Variants in TMEM63C observed in about 807,000 individuals in gnomAD.
The protein encoded by TMEM63C is transmembrane protein 63C, also known as osmosensitive cation channel TMEM63C.
In TMEM63C, 32 loss-of-function variants were observed where a neutral mutation model predicts 99.2. The observed-to-expected ratio is 0.32, with a 90% CI of 0.24 to 0.43. The LOEUF is 0.43. TMEM63C is among the 20% of genes least tolerant of loss of function. The probability of loss-of-function intolerance (pLI) is 1.00; values close to 1 mark genes in which losing one functional copy is unlikely to be tolerated. For missense variants in TMEM63C, 826 were observed against 1,053.0 expected (o/e 0.78, Z 2.98); for synonymous variants, 376 against 397.9 (o/e 0.94, Z 0.66).
In TMEM63C at chr14:77,233,479, C is replaced by G; in HGVS notation, c.521C>G (p.Thr174Ser). The change falls in exon 8 of 24, where the codon ACC becomes AGC. Residue 174 changes from threonine to serine, a missense_variant. Coordinates refer to ENST00000298351, the MANE Select transcript of TMEM63C (RefSeq NM_020431.4). ...LDWSSHFART[T>S]IVNVSTESKL... ...TGGAGCAGTCACTTTGCTCGGACCACCATTGTCAATGTCTCCACAGAGTAG... is the reference window on the plus strand; with the variant it reads ...TGGAGCAGTCACTTTGCTCGGACCAGCATTGTCAATGTCTCCACAGAGTAG... 1 of 1,613,602 alleles carries G rather than the reference C, an allele frequency of 6.2e-7. No homozygotes were observed. Among genetic ancestry groups the G allele is most frequent in the Non-Finnish European group, 8.5e-7 (1 of 1,179,800 alleles).
rs145031273 is a variant in TMEM63C at position 77,243,961 on chromosome 14, C to T, written c.1342-388C>T. On this transcript the variant is annotated intron_variant, in intron 15 of 23. Coordinates refer to ENST00000298351, the MANE Select transcript of TMEM63C (RefSeq NM_020431.4). ...TCCCCTTTGTCAACTTTGTAATAGG[C>T]CCCAGACCCCACGCATCCTGGGAGG... 1.9e-3 allele frequency among the ~76,000 whole-genome samples: 287 copies of T among 152,252 alleles called. 1 individual carries two copies. The highest frequency in any genetic ancestry group is 6.8e-3 in the Middle Eastern group (2 of 294).
Position 77,218,924 on chromosome 14 carries a change from T to C in TMEM63C, c.111T>C (p.Gly37=). 1 of 1,608,198 alleles carries C rather than the reference T, an allele frequency of 6.2e-7. No homozygotes were observed. The highest frequency in any genetic ancestry group is 8.5e-7 in the Non-Finnish European group (1 of 1,177,404). ...TCCTCCAGGGGCAGCCCTTTGGGGG[T>C]GTCCCCACCGTGCTGTGCCTCAACA... The part of the protein sequence containing the change: ...NTVLQGQPFG[G]VPTVLCLNIA... The change falls in exon 3 of 24, where the codon GGT becomes GGC. Residue 37 remains glycine, a synonymous_variant. Transcript: ENST00000298351.
chr14:77,244,267 A>C, intron 15 of TMEM63C, 82 bp from the exon 16 acceptor site: 1 of 1,063,800 alleles, frequency 9.4e-7, no homozygotes, highest in Non-Finnish European at 1.4e-6. Context: ...CAGCCCTGGG[A>C]GTGAGTGGGA....
At chr14:77,223,525 T>C (rs575475979) in intron 5 of TMEM63C, among the ~76,000 whole-genome samples, 1 of 152,340 alleles carries the variant, frequency 6.6e-6, no homozygotes, top group South Asian at 2.1e-4. Flanking sequence ...TCAGCTGAGC[T>C]GGCTCCTGGG....
At chr14:77,228,249 C>T (rs990627037) in intron 6 of TMEM63C, among the ~76,000 whole-genome samples, 1 of 152,104 alleles carries the variant, frequency 6.6e-6, no homozygotes, top group Admixed American at 6.6e-5. Context: ...ATTCCTGGCC[C>T]AGGAAGAGAA....
intron 1 of TMEM63C, among the ~76,000 whole-genome samples, chr14:77,197,099 A>C (rs1341437196): frequency 6.6e-6 from 1 of 152,238 alleles, no homozygotes; most frequent in Non-Finnish European, 1.5e-5. Flanking sequence ...TTGAGGAAGG[A>C]TTAGAGAGTC....
chr14:77,194,166 G>A (rs10141427), intron 1 of TMEM63C, among the ~76,000 whole-genome samples: 7,737 of 152,304 alleles, frequency 0.051, 569 homozygotes, highest in African/African-American at 0.17. Flanking sequence ...CACAGAAAGT[G>A]TAGTGCATCG....
Position 77,242,424 on chromosome 14 carries a change from A to G in TMEM63C, c.1142A>G (p.Tyr381Cys), listed in dbSNP as rs1889194336. 6.2e-7 allele frequency: 1 copy of G among 1,613,700 alleles called. No homozygotes were observed. The highest frequency in any genetic ancestry group is 1.3e-5 in the African/African-American group (1 of 74,842). The change falls in exon 14 of 24, where the codon TAT becomes TGT. Residue 381 changes from tyrosine to cysteine, a missense_variant. Transcript: ENST00000298351. Reference sequence around the variant, plus strand: ...TCAGTGACCACCATCGTCAAATCATATTACTGGAGGGTCACTATGGCCCCA... The same window carrying G: ...TCAGTGACCACCATCGTCAAATCATGTTACTGGAGGGTCACTATGGCCCCA... ...QSSVTTIVKSYYWRVTMAPHP... is the reference protein window; with the variant it reads ...QSSVTTIVKSCYWRVTMAPHP...
In TMEM63C at chr14:77,219,589, T is replaced by C; in HGVS notation, c.230+12T>C. 6.2e-7 allele frequency: 1 copy of C among 1,613,232 alleles called. No individual in the cohort carries two copies. The stretch of plus-strand genomic sequence containing the variant: ...ATACACAATGACAGGTGAGGAGGGG[T>C]CGAGATGGGTGAGCCGTTGCCCCCT... On this transcript the variant is annotated intron_variant, in intron 4 of 23. Coordinates refer to ENST00000298351, the MANE Select transcript of TMEM63C (RefSeq NM_020431.4).
chr14:77,244,468 C>T lies in TMEM63C; in HGVS notation c.1448+13C>T. 1 of 1,603,948 alleles carries T rather than the reference C, an allele frequency of 6.2e-7. No homozygotes were observed. Among genetic ancestry groups the T allele is most frequent in the Non-Finnish European group, 8.5e-7 (1 of 1,171,134 alleles). On this transcript the variant is annotated intron_variant, in intron 16 of 23. Coordinates refer to ENST00000298351, the MANE Select transcript of TMEM63C (RefSeq NM_020431.4). ...CCCACTGGACCAGGTGACCTGGGGG[C>T]CTCCTCTCGTAGCCCTGTGGTTTCT...
At chr14:77,189,069 T>G (rs972163070) in intron 1 of TMEM63C, among the ~76,000 whole-genome samples, 31 of 152,268 alleles carry the variant, frequency 2.0e-4, no homozygotes, top group South Asian at 2.1e-4. Context: ...AAAAGGAAAT[T>G]GCAAAATAAT....
At chr14:77,182,914 C>G (rs1887938436) in intron 1 of TMEM63C, among the ~76,000 whole-genome samples, 1 of 152,136 alleles carries the variant, frequency 6.6e-6, no homozygotes, top group Non-Finnish European at 1.5e-5. Context: ...GCCTGCAGCG[C>G]TCCAGGAAGA....
intron 2 of TMEM63C, among the ~76,000 whole-genome samples, chr14:77,218,393 A>G (rs1888631218): frequency 6.6e-6 from 1 of 152,230 alleles, no homozygotes; most frequent in Non-Finnish European, 1.5e-5. Context: ...TTCCGTGAAC[A>G]CAGCGGTTTT....
At chr14:77,228,608 C>T (rs186201395) in intron 6 of TMEM63C, among the ~76,000 whole-genome samples, 1 of 151,548 alleles carries the variant, frequency 6.6e-6, no homozygotes, top group East Asian at 2.0e-4. Context: ...ACGATCTCAG[C>T]TCACTGCAAC....
chr14:77,238,884 C>T (rs536722103), intron 10 of TMEM63C, 117 bp downstream of exon 10: 4 of 765,316 alleles, frequency 5.2e-6, no homozygotes, highest in African/African-American at 1.7e-5. Context: ...CCCGGGGTGG[C>T]TCTCCCTGGA....
intron 23 of TMEM63C, among the ~76,000 whole-genome samples, chr14:77,254,170 CA>C: frequency 6.6e-6 from 1 of 152,278 alleles, no homozygotes. Flanking sequence ...GGAAGAGGAG[CA>C]GCCTGTGCGA....
chr14:77,242,720 C>T (rs555002213), intron 14 of TMEM63C, among the ~76,000 whole-genome samples, 183 bp from the exon 15 acceptor site: 13 of 151,996 alleles, frequency 8.6e-5, no homozygotes, highest in African/African-American at 1.7e-4. Flanking sequence ...TGGCTCTATG[C>T]TCTGGATCCT....
At chr14:77,190,404 GAGATTCTAAATTATT>G (rs1156976046) in intron 1 of TMEM63C, among the ~76,000 whole-genome samples, 3 of 152,154 alleles carry the variant, frequency 2.0e-5, no homozygotes, top group African/African-American at 7.2e-5. Context: ...CAGAGAAAGA[GAGATTCTAAATTATT>G]CTATGAAGCA....
Position 77,203,072 on chromosome 14 carries a change from A to G in TMEM63C, c.-76-10374A>G, listed in dbSNP as rs979166127. Among the ~76,000 whole-genome samples the G allele has an allele frequency of 7.9e-5, 12 of 152,312 alleles. No individual in the cohort carries two copies. In the South Asian group the frequency reaches 1.9e-3, roughly 24 times the overall value. On this transcript the variant is annotated intron_variant, in intron 1 of 23. Transcript: ENST00000298351. ...CAAAACGGTTAGGTATGCATATAGT[A>G]CAAAATTCAAAAAGCAATAAAGACG...
Sources: gnomAD v4.1 joint callset for allele counts (sites outside exome capture counted in the v4.1 genomes callset) on GRCh38, gnomAD v4.1.1 for gene constraint, MANE v1.5 for transcripts, NCBI Gene and HGNC (gene_info 2026-07-23, HGNC 2026-07-21) for gene names.